Variants in ZNF710 observed in about 807,000 individuals in gnomAD.
ZNF710 encodes zinc finger protein 710.
In ZNF710, 13 loss-of-function variants were observed where a neutral mutation model predicts 50.6. The observed-to-expected ratio is 0.26, with a 90% confidence interval of 0.17 to 0.41. The LOEUF (loss-of-function observed/expected upper bound fraction) is 0.41. ZNF710 is among the 10% of genes least tolerant of loss of function. ZNF710 has a pLI of 1.00. For synonymous variants in ZNF710, 383 were observed against 397.0 expected (o/e 0.96, Z 0.42); for missense variants, 721 against 936.6 (o/e 0.77, Z 3.01).
At chr15:90,006,870 T>A (rs1898153276) in intron 1 of ZNF710, 1 of 154,790 alleles carries the variant, frequency 6.5e-6, no homozygotes, top group African/African-American at 2.4e-5. Flanking sequence ...GACTCAAAAG[T>A]ACTGAAATGA....
intron 1 of ZNF710, among the ~76,000 whole-genome samples, chr15:90,049,202 C>T (rs1899561436): frequency 6.6e-6 from 1 of 152,186 alleles, no homozygotes; most frequent in South Asian, 2.1e-4. Flanking sequence ...TCTTCTCTAC[C>T]ATCCTGTGGG....
chr15:90,014,889 A>ATTTT (rs553182166), intron 1 of ZNF710, among the ~76,000 whole-genome samples: 1 of 149,086 alleles, frequency 6.7e-6, no homozygotes, highest in Non-Finnish European at 1.5e-5. Flanking sequence ...CCATCAACTG[A>ATTTT]ATTTTTTTTT....
chr15:90,008,491 G>A (rs1231072317), intron 1 of ZNF710, among the ~76,000 whole-genome samples: 2 of 135,192 alleles, frequency 1.5e-5, no homozygotes, highest in African/African-American at 6.4e-5. Flanking sequence ...ACTATTAGAA[G>A]TGGGTTGGAG....
chr15:90,053,022 C>G (rs1192442508), intron 1 of ZNF710, among the ~76,000 whole-genome samples: 1 of 152,214 alleles, frequency 6.6e-6, no homozygotes, highest in Non-Finnish European at 1.5e-5. Context: ...AATATGAGCT[C>G]AGTAAATGAT....
intron 1 of ZNF710, among the ~76,000 whole-genome samples, chr15:90,006,084 G>A (rs1409742461): frequency 2.6e-5 from 4 of 152,100 alleles, no homozygotes; most frequent in African/African-American, 9.7e-5. Flanking sequence ...GAAATTGTGG[G>A]TCTGCAGCAG....
chr15:90,034,808 G>A lies in ZNF710; in HGVS notation c.-28-32302G>A, dbSNP rs4932275. ...GGTGCATTTCCTTTGCACACCTGGCGCCTGTTGGGGACTTAGACCTCTTCC... is the reference window on the plus strand; with the variant it reads ...GGTGCATTTCCTTTGCACACCTGGCACCTGTTGGGGACTTAGACCTCTTCC... On this transcript the variant is annotated intron_variant, in intron 1 of 4. Transcript: ENST00000268154. This position sits in a 1 kb window ranked among gnomAD's most constrained non-coding sequence, Gnocchi z 4.0. Among the ~76,000 whole-genome samples the A allele has an allele frequency of 0.13, 20,256 of 152,186 alleles. 2,061 individuals carry two copies. Among genetic ancestry groups the A allele is most frequent in the East Asian group, 0.44 (2,293 of 5,162 alleles).
rs1320471821 is a variant in ZNF710, at chr15:90,040,656, A to T, written c.-28-26454A>T. On this transcript the variant is annotated intron_variant, in intron 1 of 4. Transcript: ENST00000268154. The surrounding 1 kb of genome is among the most constrained non-coding windows in gnomAD (Gnocchi z 4.6). ...AATATATGCATCTTTTTTTACATCA[A>T]ACAATACTGATGGGCTTCTAGTGCT... Among the ~76,000 whole-genome samples, 2 of 151,942 alleles carry T rather than the reference A, an allele frequency of 1.3e-5. No individual in the cohort carries two copies. The highest frequency in any genetic ancestry group is 2.9e-5 in the Non-Finnish European group (2 of 68,016).
rs187662887 is a variant in ZNF710 at position 90,082,021 on chromosome 15, C to T, written c.*2192C>T. 7 of 152,360 alleles carry T rather than the reference C, an allele frequency of 4.6e-5. No homozygotes were observed. The highest frequency in any genetic ancestry group is 1.4e-4 in the African/African-American group (6 of 41,590). 9.4% of individuals were successfully genotyped at this position (152,360 alleles called of 1,614,324 possible). ...AACCTTCTCAAAAGAGGTGCACAGC[C>T]TCTCGGGTGACTTGGAAACTCCTGG... On this transcript the variant is annotated 3_prime_UTR_variant, in exon 5 of 5. Transcript: ENST00000268154.
rs146545629 is a variant in ZNF710 at position 90,076,306 on chromosome 15, C to T, written c.1825+2016C>T. 1,164 of 152,306 alleles carry T rather than the reference C, an allele frequency of 7.6e-3. 18 individuals carry two copies. Among genetic ancestry groups the T allele is most frequent in the Non-Finnish European group, 0.012 (800 of 68,042 alleles). 9.4% of individuals were successfully genotyped at this position (152,306 alleles called of 1,614,324 possible). ...TTTTGTAAAGCACTTTGGGTGAGTC[C>T]ATGTGCAGTAGATTTTGAGAGCTGT... On this transcript the variant is annotated intron_variant, in intron 4 of 4. Coordinates refer to ENST00000268154, the MANE Select transcript of ZNF710 (RefSeq NM_198526.4).
At chr15:90,012,005 G>A (rs779008826) in intron 1 of ZNF710, among the ~76,000 whole-genome samples, 6 of 152,178 alleles carry the variant, frequency 3.9e-5, no homozygotes, top group Non-Finnish European at 5.9e-5. Flanking sequence ...AAGAGATTGC[G>A]ACAATCCTGG....
intron 2 of ZNF710, among the ~76,000 whole-genome samples, chr15:90,070,740 G>A (rs1340847150): frequency 6.6e-6 from 1 of 152,008 alleles, no homozygotes; most frequent in Admixed American, 6.6e-5. Flanking sequence ...GATTGCTTGA[G>A]CCCAGGAGGT....
At chr15:90,018,319 C>G (rs1898511993) in intron 1 of ZNF710, among the ~76,000 whole-genome samples, 1 of 152,050 alleles carries the variant, frequency 6.6e-6, no homozygotes, top group Admixed American at 6.5e-5. Context: ...CAGGCGTGTG[C>G]CACCACACCC....
At chr15:90,015,414 C>A (rs763133861) in intron 1 of ZNF710, among the ~76,000 whole-genome samples, 1 of 152,062 alleles carries the variant, frequency 6.6e-6, no homozygotes, top group Non-Finnish European at 1.5e-5. Context: ...TAAAAGTGCA[C>A]GGGCAATTTC....
chr15:90,070,128 A>T (rs562032893), intron 2 of ZNF710, among the ~76,000 whole-genome samples: 1 of 152,298 alleles, frequency 6.6e-6, no homozygotes, highest in East Asian at 1.9e-4. Context: ...CAGGCCTAGA[A>T]ACCAGCAATT....
At chr15:90,078,000 G>A (rs1900634203) in intron 4 of ZNF710, among the ~76,000 whole-genome samples, 1 of 152,080 alleles carries the variant, frequency 6.6e-6, no homozygotes, top group Non-Finnish European at 1.5e-5. Context: ...CTGAGATTGG[G>A]AGTTCAAGAC....
rs1260428527 is a variant in ZNF710 at position 90,040,728 on chromosome 15, A to T, written c.-28-26382A>T. Among the ~76,000 whole-genome samples the T allele has an allele frequency of 6.6e-6, 1 of 152,238 alleles. No individual in the cohort carries two copies. Among genetic ancestry groups the T allele is most frequent in the Non-Finnish European group, 1.5e-5 (1 of 68,034 alleles). ...CCTCGCTCCCCAACTCCAGCCCTCC[A>T]GCCAGTTAACCATTTGCAAACTGCT... On this transcript the variant is annotated intron_variant, in intron 1 of 4. Coordinates refer to ENST00000268154, the MANE Select transcript of ZNF710 (RefSeq NM_198526.4). This position sits in a 1 kb window ranked among gnomAD's most constrained non-coding sequence, Gnocchi z 4.6.
intron 4 of ZNF710, 102 bp downstream of exon 4, chr15:90,074,392 G>T: frequency 6.4e-7 from 1 of 1,574,024 alleles, no homozygotes; most frequent in Non-Finnish European, 8.6e-7. Context: ...GGCCAAGGCT[G>T]AGACTTCGTT....
At chr15:90,069,316 G>A (rs951184059) in intron 2 of ZNF710, among the ~76,000 whole-genome samples, 6 of 151,982 alleles carry the variant, frequency 3.9e-5, no homozygotes, top group Non-Finnish European at 8.8e-5. Flanking sequence ...GCTAAGGTGG[G>A]AGGAACACCT....
intron 1 of ZNF710, among the ~76,000 whole-genome samples, chr15:90,057,168 CTT>C (rs1464054425): frequency 1.3e-5 from 2 of 152,166 alleles, no homozygotes; most frequent in Admixed American, 1.3e-4. Flanking sequence ...AGAGAGGAAA[CTT>C]TGGCCCAAGT....
Sources: allele counts gnomAD v4.1 joint callset (sites outside exome capture counted in the v4.1 genomes callset), GRCh38; gene constraint gnomAD v4.1.1; non-coding constraint Gnocchi (gnomAD v3.1); transcripts MANE v1.5; gene names NCBI Gene and HGNC (gene_info 2026-07-23, HGNC 2026-07-21).